The following ZFPM1 variants were observed in gnomAD, a reference collection of about 807,000 sequenced individuals.
ZFPM1 encodes the protein zinc finger protein ZFPM1.
A neutral mutation model predicts 46.3 loss-of-function variants in ZFPM1; 28 were observed. The ratio of observed to expected loss-of-function variants is 0.60; its 90% CI spans 0.45 to 0.83. The LOEUF (loss-of-function observed/expected upper bound fraction) is 0.83. Ranked by LOEUF, ZFPM1 falls within the 40% of genes least tolerant of loss-of-function variation. The pLI, the probability that ZFPM1 is intolerant of heterozygous loss-of-function variation, is 0.00. For missense variants in ZFPM1, 1,878 were observed against 1,432.4 expected (o/e 1.31, Z -5.02); for synonymous variants, 957 against 675.9 (o/e 1.42, Z -6.45).
At position 88,490,316 on chromosome 16, in the gene ZFPM1, T is replaced by C. The variant is rs550596629; in HGVS notation, c.268+1163T>C. On this transcript the variant is annotated intron_variant, in intron 3 of 9. Coordinates refer to ENST00000319555, the MANE Select transcript of ZFPM1 (RefSeq NM_153813.3). ...ATCCGCCCGCCTCGGCCTCCCAAAG[T>C]GCTGGGATTACAGGCGTGAGCCACC... Among the ~76,000 whole-genome samples, 1,054 of 152,294 alleles carry C rather than the reference T, an allele frequency of 6.9e-3. 7 individuals carry two copies. The highest frequency in any genetic ancestry group is 0.018 in the Admixed American group (272 of 15,302).
chr16:88,534,732 C>T lies in ZFPM1; in HGVS notation c.2774C>T (p.Pro925Leu). The change falls in exon 10 of 10, where the codon CCC becomes CTC. Residue 925 changes from proline (P) to leucine (L), a missense_variant. By Grantham distance (98) the Pro-to-Leu change is moderately conservative. Transcript: ENST00000319555. ...RGPRDGLGPE[P>L]QEPPPGPPPS... is the part of the protein sequence containing the mutation. ...CCCCGGGACGGCCTCGGCCCGGAGCCCCAGGAGCCGCCGCCCGGCCCGCCC... is the reference window on the plus strand; with the variant it reads ...CCCCGGGACGGCCTCGGCCCGGAGCTCCAGGAGCCGCCGCCCGGCCCGCCC... 1 of 988,856 alleles carries T rather than the reference C, an allele frequency of 1.0e-6. No individual in the cohort carries two copies. The allele number at this position is 988,856 out of a possible 1,614,324, so 61.3% of individuals were successfully genotyped here.
Position 88,483,005 on chromosome 16 carries a change from T to A in ZFPM1, c.41-2934T>A, listed in dbSNP as rs981837930. ...GGGAGGGCACTCGGGTTGGGCCTCC[T>A]GTCCCAGGGGCAGGAGTTGAACCGG... On this transcript the variant is annotated intron_variant, in intron 1 of 9. Coordinates refer to ENST00000319555, the MANE Select transcript of ZFPM1 (RefSeq NM_153813.3). 3.9e-5 allele frequency among the ~76,000 whole-genome samples: 6 copies of A among 152,286 alleles called. No homozygotes were observed. The Middle Eastern group carries it at 0.01, about 259-fold the overall frequency.
intron 1 of ZFPM1, among the ~76,000 whole-genome samples, chr16:88,465,329 G>A (rs1264128860): frequency 6.6e-6 from 1 of 152,268 alleles, no homozygotes; most frequent in African/African-American, 2.4e-5. Context: ...ACAGGCCTGC[G>A]GGGAAGCCCT....
intron 1 of ZFPM1, among the ~76,000 whole-genome samples, chr16:88,481,940 C>T (rs755150804): frequency 4.6e-5 from 7 of 152,192 alleles, no homozygotes; most frequent in South Asian, 2.1e-4. Context: ...GCTCTGAGGA[C>T]GCGGGCAGGC....
chr16:88,472,921 A>G (rs1205091513), intron 1 of ZFPM1, among the ~76,000 whole-genome samples: 2 of 152,246 alleles, frequency 1.3e-5, no homozygotes, highest in African/African-American at 2.4e-5. Context: ...GGCCCAGGGC[A>G]GGCCTGCATC....
At chr16:88,499,351 C>T (rs1040444419) in intron 3 of ZFPM1, among the ~76,000 whole-genome samples, 3 of 152,234 alleles carry the variant, frequency 2.0e-5, no homozygotes, top group Admixed American at 6.5e-5. Flanking sequence ...GGGGATGCAG[C>T]GTGAGGAAAA....
chr16:88,486,087 T>A, intron 2 of ZFPM1, 44 bp downstream of exon 2: 2 of 1,563,158 alleles, frequency 1.3e-6, no homozygotes, highest in Non-Finnish European at 1.7e-6. Flanking sequence ...AGCCGGGGCC[T>A]CCATTGCTTA....
At chr16:88,502,153 C>A (rs887300971) in intron 3 of ZFPM1, among the ~76,000 whole-genome samples, 1 of 148,972 alleles carries the variant, frequency 6.7e-6, no homozygotes, top group Non-Finnish European at 1.5e-5. Flanking sequence ...TTCCTCACTG[C>A]GCTTTTCCAT....
At position 88,453,654 on chromosome 16, in the gene ZFPM1, C is replaced by G; in HGVS notation, c.16C>G (p.Gln6Glu). ...CGCCGGAGACATGTCCAGGCGGAAA[C>G]AGAGCAACCCCCGGCAGATCAAGCG... MSRRKQSNPRQIKRSL... is the reference protein window; with the variant it reads MSRRKESNPRQIKRSL... The change falls in exon 1 of 10, where the codon CAG (glutamine) becomes GAG (glutamate). Residue 6 changes from glutamine to glutamate, a missense_variant. By Grantham distance (29) the Gln-to-Glu change is conservative. Transcript: ENST00000319555. The G allele has an allele frequency of 8.4e-7, 1 of 1,190,188 alleles. No individual in the cohort carries two copies. The highest frequency in any genetic ancestry group is 1.1e-6 in the Non-Finnish European group (1 of 942,048). The allele number at this position is 1,190,188 out of a possible 1,614,324, so 73.7% of individuals were successfully genotyped here.
At position 88,514,512 on chromosome 16, in the gene ZFPM1, G is replaced by T. The variant is rs1355046067; in HGVS notation, c.394G>T (p.Ala132Ser). The change falls in exon 4 of 10, where the codon GCG (alanine) becomes TCG (serine). Residue 132 changes from alanine (A) to serine (S), a missense_variant. Physicochemically the swap from Ala to Ser is moderately conservative, Grantham distance 99. Transcript: ENST00000319555. ...GACCAGAGCCTCATCCCCCAGGCAG[G>T]CGGAGCCGGTAAGAAGCCCCCATCC... is the stretch of plus-strand genomic sequence containing the variant. ...VQTRASSPRQ[A>S]EPSPALTLLL... The T allele has an allele frequency of 5.1e-6, 8 of 1,559,814 alleles. No individual in the cohort carries two copies. Among genetic ancestry groups the T allele is most frequent in the Non-Finnish European group, 6.9e-6 (8 of 1,152,670 alleles).
intron 6 of ZFPM1, chr16:88,531,195 T>C (rs12935557): frequency 0.1 from 15,163 of 152,156 alleles, 949 homozygotes; most frequent in East Asian, 0.34. Flanking sequence ...AACAGGTCCT[T>C]CCCTTCCCTG....
chr16:88,500,228 C>T (rs1210461439), intron 3 of ZFPM1, among the ~76,000 whole-genome samples: 1 of 152,202 alleles, frequency 6.6e-6, no homozygotes, highest in Non-Finnish European at 1.5e-5. Context: ...TGGGCGAGCC[C>T]CTGGAGCCCC....
At chr16:88,486,961 T>TG (rs920716837) in intron 2 of ZFPM1, among the ~76,000 whole-genome samples, 1 of 152,174 alleles carries the variant, frequency 6.6e-6, no homozygotes, top group African/African-American at 2.4e-5. Flanking sequence ...AGTGCCCTAG[T>TG]GGGGGTCCCA....
intron 3 of ZFPM1, among the ~76,000 whole-genome samples, chr16:88,493,673 C>T (rs1597249216): frequency 1.4e-5 from 2 of 145,400 alleles, no homozygotes; most frequent in Non-Finnish European, 3.0e-5. Context: ...GGAGCTGTCC[C>T]GGGTTGCGGA....
intron 2 of ZFPM1, among the ~76,000 whole-genome samples, chr16:88,488,085 G>A (rs1247244497): frequency 6.6e-6 from 1 of 152,212 alleles, no homozygotes; most frequent in African/African-American, 2.4e-5. Context: ...TGGCTGGGGG[G>A]AGAGAGCACG....
rs1028837214 is a variant in ZFPM1 at position 88,497,256 on chromosome 16, CG to C, written c.268+8105del. ...AGAGATGGGAGGGGCGGCAGGTGGA[CG>C]GCCCCAGCCCCAGCCCCAGCCCCAG... is the stretch of plus-strand genomic sequence containing the variant. On this transcript the variant is annotated intron_variant, in intron 3 of 9. Coordinates refer to ENST00000319555, the MANE Select transcript of ZFPM1 (RefSeq NM_153813.3). The surrounding 1 kb of genome is among the most constrained non-coding windows in gnomAD (Gnocchi z 5.4). Among the ~76,000 whole-genome samples, 42 of 149,614 alleles carry C rather than the reference CG, an allele frequency of 2.8e-4. No homozygotes were observed. The highest frequency in any genetic ancestry group is 2.6e-3 in the Admixed American group (39 of 15,170).
chr16:88,499,540 A>G (rs1426694705), intron 3 of ZFPM1, among the ~76,000 whole-genome samples: 1 of 152,180 alleles, frequency 6.6e-6, no homozygotes, highest in Non-Finnish European at 1.5e-5. Context: ...GCACGTGGAC[A>G]GGGCGGAGCC....
In ZFPM1 at chr16:88,536,262, C is replaced by T. The variant is rs945458572; in HGVS notation, c.*1283C>T. The T allele has an allele frequency of 2.6e-5, 4 of 152,234 alleles. No individual in the cohort carries two copies. Among genetic ancestry groups the T allele is most frequent in the East Asian group, 3.8e-4 (2 of 5,202 alleles). The allele number at this position is 152,234 out of a possible 1,614,324, so 9.4% of individuals were successfully genotyped here. A position where few individuals can be genotyped will look rare whatever the true frequency, so the allele number is the denominator to read the frequency against. On this transcript the variant is annotated 3_prime_UTR_variant, in exon 10 of 10. Coordinates refer to ENST00000319555, the MANE Select transcript of ZFPM1 (RefSeq NM_153813.3). ...TCATAAGTCACTGCAGCCTCAAACT[C>T]CTGAGCTGAAACCATCTTCCTGCCT...
intron 6 of ZFPM1, 112 bp downstream of exon 6, chr16:88,528,350 CAG>C (rs1912514547): frequency 8.2e-7 from 1 of 1,224,006 alleles, no homozygotes. Context: ...AGGCTGCCGA[CAG>C]AGTGAGAGGT....
Sources: gnomAD v4.1 joint callset for allele counts (sites outside exome capture counted in the v4.1 genomes callset) on GRCh38, gnomAD v4.1.1 for gene constraint, Gnocchi (gnomAD v3.1) non-coding constraint, MANE v1.5 for transcripts, NCBI Gene and HGNC (gene_info 2026-07-23, HGNC 2026-07-21) for gene names.